FER: variants seen among roughly 807,000 people sequenced by gnomAD.
The protein encoded by FER is tyrosine-protein kinase Fer.
Under a neutral mutation model 111.0 loss-of-function variants are expected in FER, and 63 were observed. The observed-to-expected ratio is 0.57, with a 90% confidence interval of 0.46 to 0.70. The LOEUF is 0.70. Ranked by LOEUF, FER falls within the 30% of genes least tolerant of loss-of-function variation. FER has a pLI of 0.00. For missense variants in FER, 914 were observed against 954.0 expected, an observed-to-expected ratio of 0.96 and a Z score of 0.55; for synonymous variants, 327 against 313.9, an observed-to-expected ratio of 1.04 and a Z score of -0.44.
chr5:109,170,659 TG>T (rs752636958), intron 17 of FER, among the ~76,000 whole-genome samples: 15 of 152,192 alleles, frequency 9.9e-5, no homozygotes, highest in Non-Finnish European at 1.9e-4. Context: ...CTTACAGGGT[TG>T]GGAAGTGTGA....
intron 2 of FER, among the ~76,000 whole-genome samples, chr5:108,782,437 C>G (rs1754193622): frequency 6.6e-6 from 1 of 152,006 alleles, no homozygotes; most frequent in Non-Finnish European, 1.5e-5. Context: ...CTTGTTTTAT[C>G]TTGTTCACAT....
At chr5:109,129,966 T>A (rs1206769874) in intron 17 of FER, among the ~76,000 whole-genome samples, 2 of 151,996 alleles carry the variant, frequency 1.3e-5, no homozygotes, top group Non-Finnish European at 2.9e-5. Context: ...CAAATAATAG[T>A]TGTAGTATGC....
At chr5:108,899,099 A>T (rs1239285556) in intron 10 of FER, among the ~76,000 whole-genome samples, 3 of 152,078 alleles carry the variant, frequency 2.0e-5, no homozygotes, top group Admixed American at 2.0e-4. Flanking sequence ...AAAAAAAAAA[A>T]AAAAGACCGT....
intron 16 of FER, among the ~76,000 whole-genome samples, chr5:109,079,586 G>A (rs1029865478): frequency 6.6e-6 from 1 of 151,980 alleles, no homozygotes; most frequent in Non-Finnish European, 1.5e-5. Context: ...TCCCCTGTAT[G>A]CACAGTTGGA....
chr5:108,822,262 CTATT>C (rs1758926754), intron 3 of FER, among the ~76,000 whole-genome samples: 1 of 151,948 alleles, frequency 6.6e-6, no homozygotes, highest in South Asian at 2.1e-4. Context: ...ATTTCTTTAT[CTATT>C]CATTTGTTGA....
chr5:108,914,870 A>C (rs1752052341), intron 10 of FER, among the ~76,000 whole-genome samples: 1 of 152,212 alleles, frequency 6.6e-6, no homozygotes, highest in South Asian at 2.1e-4. Context: ...TTTAGAATAG[A>C]GGAGAAGGCT....
intron 3 of FER, among the ~76,000 whole-genome samples, chr5:108,817,103 C>CAAAAAAAAAAAAAAAAA (rs70999913): frequency 1.7e-5 from 1 of 59,202 alleles, no homozygotes; most frequent in South Asian, 9.0e-4. Context: ...GACACTGTCT[C>CAAAAAAAAAAAAAAAAA]AAAAAAAAAA....
At chr5:108,950,494 A>T (rs1044204531) in intron 11 of FER, among the ~76,000 whole-genome samples, 2 of 152,182 alleles carry the variant, frequency 1.3e-5, no homozygotes, top group African/African-American at 4.8e-5. Flanking sequence ...CTGCTAAAAA[A>T]TCAGAATTTG....
At chr5:108,767,932 G>T (rs1177846137) in intron 1 of FER, among the ~76,000 whole-genome samples, 161 bp from the exon 2 acceptor site, 1 of 152,232 alleles carries the variant, frequency 6.6e-6, no homozygotes, top group Non-Finnish European at 1.5e-5. Context: ...GTAAGCAATG[G>T]ATAGATAAGT....
intron 17 of FER, among the ~76,000 whole-genome samples, chr5:109,160,412 G>A (rs746889355): frequency 5.3e-5 from 8 of 152,072 alleles, no homozygotes; most frequent in Non-Finnish European, 1.2e-4. Flanking sequence ...AACTTTTCTT[G>A]AAGAAATATA....
chr5:109,081,223 C>T (rs981250723), intron 16 of FER, among the ~76,000 whole-genome samples: 1 of 152,042 alleles, frequency 6.6e-6, no homozygotes, highest in Non-Finnish European at 1.5e-5. Flanking sequence ...TAGTAAAACT[C>T]AACAAAGTTA....
At position 109,027,534 on chromosome 5, in the gene FER, T is replaced by G. The variant is rs577241059; in HGVS notation, c.1657-9888T>G. On this transcript the variant is annotated intron_variant, in intron 13 of 19. Transcript: ENST00000281092. ...AGGGAAGTGTTAATTTAAGTCACAC[T>G]TCTAATCACTCTGACTTACCTACTT... Among the ~76,000 whole-genome samples the G allele has an allele frequency of 8.5e-5, 13 of 152,302 alleles. 1 individual carries two copies. The highest frequency in any genetic ancestry group is 7.9e-4 in the Admixed American group (12 of 15,286).
chr5:109,023,890 C>T (rs1376286725), intron 13 of FER, among the ~76,000 whole-genome samples: 2 of 152,008 alleles, frequency 1.3e-5, no homozygotes, highest in East Asian at 1.9e-4. Flanking sequence ...TCCCCTTTCC[C>T]CCAAAGATTT....
At position 109,195,822 on chromosome 5, in the gene FER, T is replaced by G. The variant is rs999401259; in HGVS notation, c.*8247T>G. ...AACAGCTTCTTTAGTCAGACGTCTA[T>G]AGATTTTACATAAATTTACATTTAA... On this transcript the variant is annotated 3_prime_UTR_variant, in exon 20 of 20. Coordinates refer to ENST00000281092, the MANE Select transcript of FER (RefSeq NM_005246.4). The G allele has an allele frequency of 4.5e-4, 68 of 152,324 alleles. No individual in the cohort carries two copies. Among genetic ancestry groups the G allele is most frequent in the African/African-American group, 1.6e-3 (66 of 41,572 alleles). The allele number at this position is 152,324 out of a possible 1,614,324, so 9.4% of individuals were successfully genotyped here.
chr5:109,014,879 G>A (rs947790328), intron 13 of FER: 1 of 152,162 alleles, frequency 6.6e-6, no homozygotes, highest in Non-Finnish European at 1.5e-5. Flanking sequence ...CCTTGCGCAG[G>A]GGCCATGCTA....
intron 3 of FER, among the ~76,000 whole-genome samples, chr5:108,822,332 G>T (rs187203154): frequency 5.7e-4 from 87 of 152,184 alleles, no homozygotes; most frequent in African/African-American, 2.0e-3. Context: ...TCCAAGTTCT[G>T]TTGGTATAAT....
intron 16 of FER, among the ~76,000 whole-genome samples, chr5:109,082,088 A>T (rs189239785): frequency 4.6e-5 from 7 of 152,182 alleles, no homozygotes; most frequent in Admixed American, 4.6e-4. Flanking sequence ...ATGATAAGTT[A>T]GAAGGCCTTT....
intron 9 of FER, among the ~76,000 whole-genome samples, chr5:108,890,477 T>A (rs1443109937): frequency 1.3e-5 from 2 of 152,072 alleles, no homozygotes; most frequent in African/African-American, 4.8e-5. Context: ...TAGCTTCTGG[T>A]GATGGCTGAC....
intron 5 of FER, among the ~76,000 whole-genome samples, chr5:108,866,126 C>T (rs960067464): frequency 6.6e-6 from 1 of 152,146 alleles, no homozygotes; most frequent in African/African-American, 2.4e-5. Flanking sequence ...GCTATAAAGA[C>T]ACATGCACAT....
Sources: gnomAD v4.1 joint callset for allele counts (sites outside exome capture counted in the v4.1 genomes callset) on GRCh38, gnomAD v4.1.1 for gene constraint, MANE v1.5 for transcripts, NCBI Gene and HGNC (gene_info 2026-07-23, HGNC 2026-07-21) for gene names.